Variants in SEMA6D observed in about 807,000 individuals in gnomAD.
The protein encoded by SEMA6D is semaphorin 6D, also known as semaphorin-6D.
SEMA6D carries 35 observed loss-of-function variants against 106.6 expected under a neutral mutation model. The ratio of observed to expected loss-of-function variants is 0.33; its 90% confidence interval spans 0.25 to 0.44. The LOEUF (loss-of-function observed/expected upper bound fraction) is 0.44. Ranked by LOEUF, SEMA6D falls within the 20% of genes least tolerant of loss-of-function variation. The pLI is 1.00. For missense variants in SEMA6D, 1,185 were observed against 1,345.9 expected (o/e 0.88, Z 1.87); for synonymous variants, 499 against 487.7 (o/e 1.02, Z -0.31).
intron 1 of SEMA6D, among the ~76,000 whole-genome samples, chr15:47,318,903 A>G (rs915933761): frequency 3.3e-4 from 50 of 151,492 alleles, no homozygotes; most frequent in Non-Finnish European, 4.6e-4. Flanking sequence ...AAGTGTTCCT[A>G]TTTCTCCACA....
intron 4 of SEMA6D, among the ~76,000 whole-genome samples, chr15:47,678,447 T>G (rs2145539061): frequency 6.6e-6 from 1 of 152,312 alleles, no homozygotes; most frequent in Non-Finnish European, 1.5e-5. Flanking sequence ...TATGGATATA[T>G]TATATATCAG....
At chr15:47,701,009 A>G (rs1005487792) in intron 4 of SEMA6D, among the ~76,000 whole-genome samples, 3 of 152,212 alleles carry the variant, frequency 2.0e-5, no homozygotes, top group Admixed American at 1.3e-4. Context: ...TAATATAGGA[A>G]AAATTCTAGA....
chr15:47,564,676 G>T (rs761962931), intron 3 of SEMA6D, among the ~76,000 whole-genome samples: 2 of 152,248 alleles, frequency 1.3e-5, no homozygotes, highest in African/African-American at 4.8e-5. Context: ...AGAAAAGGGC[G>T]GGATCCCTGG....
intron 1 of SEMA6D, among the ~76,000 whole-genome samples, chr15:47,724,830 A>T (rs2079636896): frequency 1.3e-5 from 2 of 152,226 alleles, no homozygotes; most frequent in African/African-American, 4.8e-5. Flanking sequence ...GAATAGGATC[A>T]ATCTTGTGGC....
At chr15:47,692,459 G>A (rs543670037) in intron 4 of SEMA6D, among the ~76,000 whole-genome samples, 2 of 152,214 alleles carry the variant, frequency 1.3e-5, no homozygotes, top group African/African-American at 4.8e-5. Context: ...CTTGCTGATT[G>A]CACAATTTGC....
intron 1 of SEMA6D, among the ~76,000 whole-genome samples, chr15:47,243,644 G>T (rs138826527): frequency 9.1e-4 from 138 of 152,262 alleles, no homozygotes; most frequent in African/African-American, 3.2e-3. Context: ...TTACTGCTCT[G>T]TGTACAATGC....
At chr15:47,636,503 G>T (rs1596496242) in intron 4 of SEMA6D, among the ~76,000 whole-genome samples, 1 of 152,122 alleles carries the variant, frequency 6.6e-6, no homozygotes, top group Non-Finnish European at 1.5e-5. Flanking sequence ...CCTACCCCAA[G>T]CTTCTCATCA....
chr15:47,319,742 G>A (rs540437873), intron 1 of SEMA6D, among the ~76,000 whole-genome samples: 10 of 151,936 alleles, frequency 6.6e-5, no homozygotes, highest in East Asian at 3.9e-4. Context: ...TCCCTTTCTC[G>A]TCTTCCTGCT....
At chr15:47,366,199 A>G (rs556950036) in intron 1 of SEMA6D, among the ~76,000 whole-genome samples, 5 of 152,354 alleles carry the variant, frequency 3.3e-5, no homozygotes, top group Admixed American at 1.3e-4. Flanking sequence ...CTCTTAGTCT[A>G]TTTGTATCAT....
chr15:47,689,159 A>G (rs1485582578), intron 4 of SEMA6D, among the ~76,000 whole-genome samples: 2 of 152,220 alleles, frequency 1.3e-5, no homozygotes, highest in Non-Finnish European at 2.9e-5. Context: ...TTTATCAGTA[A>G]TATCTGTTCA....
intron 1 of SEMA6D, among the ~76,000 whole-genome samples, chr15:47,271,179 A>G (rs982324178): frequency 2.0e-5 from 3 of 152,222 alleles, no homozygotes; most frequent in Non-Finnish European, 2.9e-5. Context: ...TGTGAAAGAC[A>G]AAAAATGCAG....
intron 1 of SEMA6D, among the ~76,000 whole-genome samples, chr15:47,316,607 G>T (rs1297044246): frequency 2.8e-5 from 4 of 140,570 alleles, no homozygotes; most frequent in African/African-American, 5.3e-5. Context: ...TTATTGAGAG[G>T]TTTTTTTTTT....
At chr15:47,710,664 C>G (rs1357325191) in intron 4 of SEMA6D, among the ~76,000 whole-genome samples, 2 of 152,166 alleles carry the variant, frequency 1.3e-5, no homozygotes, top group Non-Finnish European at 2.9e-5. Context: ...TCGAATACAA[C>G]TATAACCAAA....
chr15:47,476,719 T>A (rs2043011902), intron 3 of SEMA6D, among the ~76,000 whole-genome samples: 1 of 152,146 alleles, frequency 6.6e-6, no homozygotes, highest in African/African-American at 2.4e-5. Context: ...CAGTCCGTTG[T>A]TTGTTTCTCC....
chr15:47,436,226 C>G (rs2041696981), intron 2 of SEMA6D, among the ~76,000 whole-genome samples: 1 of 151,936 alleles, frequency 6.6e-6, no homozygotes, highest in Non-Finnish European at 1.5e-5. Flanking sequence ...TCCGTCTCTA[C>G]TAAAAATACA....
intron 1 of SEMA6D, among the ~76,000 whole-genome samples, chr15:47,389,745 T>C (rs1496926): frequency 0.015 from 2,312 of 152,314 alleles, 65 homozygotes; most frequent in African/African-American, 0.053. Context: ...GCTGGAAATT[T>C]GGGAGTCACC....
chr15:47,603,948 C>A (rs1912644), intron 4 of SEMA6D: 25,988 of 152,122 alleles, frequency 0.17, 2,539 homozygotes, highest in African/African-American at 0.25. Context: ...TGTGTCGAGG[C>A]ATTGCATTGT....
At chr15:47,278,749 C>T (rs1356444886) in intron 1 of SEMA6D, among the ~76,000 whole-genome samples, 2 of 150,434 alleles carry the variant, frequency 1.3e-5, no homozygotes, top group Non-Finnish European at 3.0e-5. Flanking sequence ...GGTTTTAGGT[C>T]TAACGTTTAA....
chr15:47,677,325 A>G (rs2078266707), intron 4 of SEMA6D, among the ~76,000 whole-genome samples: 1 of 152,162 alleles, frequency 6.6e-6, no homozygotes, highest in South Asian at 2.1e-4. Flanking sequence ...TGGCCTCTCC[A>G]TGTGGCTAGA....
Sources: allele counts gnomAD v4.1 joint callset (sites outside exome capture counted in the v4.1 genomes callset), GRCh38; gene constraint gnomAD v4.1.1; transcripts MANE v1.5; gene names NCBI Gene and HGNC (gene_info 2026-07-23, HGNC 2026-07-21).